The following DNAH17 variants were observed in gnomAD, a reference collection of about 807,000 sequenced individuals.
DNAH17 encodes dynein axonemal heavy chain 17.
Under a neutral mutation model 485.6 loss-of-function variants are expected in DNAH17, and 376 were observed. The observed-to-expected ratio is 0.77, with a 90% CI of 0.71 to 0.84. The LOEUF is 0.84. Ranked by LOEUF, DNAH17 falls within the 40% of genes least tolerant of loss-of-function variation. The pLI, the probability that DNAH17 is intolerant of heterozygous loss-of-function variation, is 0.00. For missense variants in DNAH17, 6,370 were observed against 5,839.3 expected, an observed-to-expected ratio of 1.09 and a Z score of -2.96; for synonymous variants, 3,031 against 2,405.9, an observed-to-expected ratio of 1.26 and a Z score of -7.60.
At chr17:78,462,714 G>T in intron 57 of DNAH17, 130 bp downstream of exon 57, 2 of 815,142 alleles carry the variant, frequency 2.5e-6, no homozygotes, top group East Asian at 2.7e-5. Flanking sequence ...AAGGCAGGAA[G>T]CGTGCTCATC....
intron 17 of DNAH17, among the ~76,000 whole-genome samples, chr17:78,543,393 C>T (rs978404182): frequency 6.6e-6 from 1 of 152,072 alleles, no homozygotes; most frequent in African/African-American, 2.4e-5. Context: ...CGGGTTCACG[C>T]CATTCTCCTG....
chr17:78,562,110 T>C (rs1183390915), intron 11 of DNAH17, 130 bp from the exon 12 acceptor site: 2 of 1,138,178 alleles, frequency 1.8e-6, no homozygotes, highest in African/African-American at 1.6e-5. Context: ...AACAAAACAA[T>C]CCACTGGAAC....
At chr17:78,437,911 C>G in intron 73 of DNAH17, 43 bp from the exon 74 acceptor site, 1 of 1,490,590 alleles carries the variant, frequency 6.7e-7, no homozygotes, top group Non-Finnish European at 9.2e-7. Context: ...TTGCCCAGCT[C>G]CTGGCCCACG....
chr17:78,469,929 G>C (rs147963626), intron 54 of DNAH17, among the ~76,000 whole-genome samples: 1 of 152,088 alleles, frequency 6.6e-6, no homozygotes, highest in Admixed American at 6.6e-5. Context: ...GGGGGAATGG[G>C]GAGTTGTTTA....
In DNAH17 at chr17:78,577,392, C is replaced by CACATAA. The variant is rs2092447378; in HGVS notation, c.-124_-123insTTATGT. ...CCTTCCCTCGAGGGGCTCCAACTGC[C>CACATAA]ACATAACTTCTGGGAGTCTCCTCAC... On this transcript the variant is annotated 5_prime_UTR_variant, in exon 1 of 81. The change creates a new upstream start codon in the 5' untranslated region. Coordinates refer to ENST00000389840, the MANE Select transcript of DNAH17 (RefSeq NM_173628.4). 6.6e-6 allele frequency: 1 copy of CACATAA among 152,244 alleles called. No homozygotes were observed. Among genetic ancestry groups the CACATAA allele is most frequent in the Non-Finnish European group, 1.5e-5 (1 of 68,062 alleles). 9.4% of individuals were successfully genotyped at this position (152,244 alleles called of 1,614,324 possible).
At chr17:78,435,422 C>T (rs964537614) in intron 74 of DNAH17, among the ~76,000 whole-genome samples, 5 of 152,128 alleles carry the variant, frequency 3.3e-5, no homozygotes, top group African/African-American at 1.2e-4. Context: ...CAACTGGTCC[C>T]TGAACTTGTG....
At chr17:78,470,773 C>A (rs1284750860) in intron 54 of DNAH17, among the ~76,000 whole-genome samples, 3 of 152,146 alleles carry the variant, frequency 2.0e-5, no homozygotes, top group Non-Finnish European at 2.9e-5. Context: ...AGAAAAAAAT[C>A]TTAAATGGAG....
chr17:78,440,804 A>G (rs754593114), intron 72 of DNAH17, among the ~76,000 whole-genome samples: 27 of 152,174 alleles, frequency 1.8e-4, no homozygotes, highest in Non-Finnish European at 3.2e-4. Flanking sequence ...TTACTGAGAA[A>G]CCACCAGACT....
At chr17:78,511,154 T>C (rs2090626639) in intron 26 of DNAH17, among the ~76,000 whole-genome samples, 1 of 152,250 alleles carries the variant, frequency 6.6e-6, no homozygotes, top group Admixed American at 6.5e-5. Context: ...TCTCGCTTTG[T>C]CACCTGGGCT....
chr17:78,427,041 G>A lies in DNAH17; in HGVS notation c.12656C>T (p.Ala4219Val). ...PETFNMAEIM[A>V]KAAEKTPYVV... ...GTAGGGGGTCTTTTCCGCTGCCTTT[G>A]CCATGATCTCAGCCATGTTGAAAGT... Residue 4219 changes from alanine to valine, a missense_variant, in exon 78 of 81, where the codon GCA becomes GTA. By Grantham distance (64) the Ala-to-Val change is moderately conservative. Coordinates refer to ENST00000389840, the MANE Select transcript of DNAH17 (RefSeq NM_173628.4). 7 of 1,603,246 alleles carry A rather than the reference G, an allele frequency of 4.4e-6. No individual in the cohort carries two copies. Among genetic ancestry groups the A allele is most frequent in the African/African-American group, 1.3e-5 (1 of 74,816 alleles).
chr17:78,451,014 A>G (rs1219044989), intron 66 of DNAH17, among the ~76,000 whole-genome samples, 168 bp from the exon 67 acceptor site: 1 of 152,140 alleles, frequency 6.6e-6, no homozygotes, highest in Non-Finnish European at 1.5e-5. Context: ...AACCTCAGAG[A>G]GGCCCTGGCC....
At chr17:78,443,305 G>A (rs1389392487) in intron 71 of DNAH17, among the ~76,000 whole-genome samples, 2 of 152,124 alleles carry the variant, frequency 1.3e-5, no homozygotes, top group South Asian at 2.1e-4. Context: ...TGCGATGGCC[G>A]AGGGACCTTT....
rs34437723 is a variant in DNAH17, at chr17:78,503,344, A to ATTTT, written c.4957-337_4957-334dup. On this transcript the variant is annotated intron_variant, in intron 31 of 80. Transcript: ENST00000389840. ...ACAGGCGCCCGCCCCCACTCCCGGC[A>ATTTT]TTTTTTTTTTTTTTGTATTTTTACT... Among the ~76,000 whole-genome samples, 161 of 129,384 alleles carry ATTTT rather than the reference A, an allele frequency of 1.2e-3. 4 individuals are homozygous for ATTTT. Among genetic ancestry groups the ATTTT allele is most frequent in the Middle Eastern group, 0.012 (3 of 252 alleles). 84.9% of individuals were successfully genotyped at this position (129,384 alleles called of 152,430 possible).
chr17:78,435,285 A>G (rs1355662350), intron 74 of DNAH17, among the ~76,000 whole-genome samples: 1 of 152,122 alleles, frequency 6.6e-6, no homozygotes, highest in Non-Finnish European at 1.5e-5. Context: ...TCCAGAGTCC[A>G]TCCGATCCGG....
At position 78,475,284 on chromosome 17, in the gene DNAH17, G is replaced by A. The variant is rs61746438; in HGVS notation, c.8505C>T (p.Asp2835=). 0.12 allele frequency: 198,874 copies of A among 1,613,812 alleles called. 13,092 individuals are homozygous for A. Among genetic ancestry groups the A allele is most frequent in the South Asian group, 0.19 (16,898 of 91,072 alleles). The part of the protein sequence containing the change: ...ITLKKGYGIP[D]LKIDLAAQYI... ...TTGAACAGTAAGCTCTCACCTTGAG[G>A]TCGGGGATCCCGTAGCCCTTCTTGA... is the stretch of plus-strand genomic sequence containing the variant. The change falls in exon 54 of 81, where the codon GAC becomes GAT. Residue 2835 remains aspartate (D), a synonymous_variant. Coordinates refer to ENST00000389840, the MANE Select transcript of DNAH17 (RefSeq NM_173628.4).
intron 79 of DNAH17, among the ~76,000 whole-genome samples, chr17:78,426,209 C>T (rs182272125): frequency 2.0e-5 from 3 of 152,098 alleles, no homozygotes; most frequent in Admixed American, 6.5e-5. Context: ...CTTTGAGGGT[C>T]GCTTGAGGAG....
chr17:78,546,541 T>C (rs1894146455), intron 16 of DNAH17, among the ~76,000 whole-genome samples: 2 of 152,240 alleles, frequency 1.3e-5, no homozygotes, highest in Non-Finnish European at 2.9e-5. Context: ...ATAGGAGAAA[T>C]CCTGTTTCTA....
chr17:78,511,983 C>T (rs549450687), intron 26 of DNAH17, among the ~76,000 whole-genome samples: 5 of 152,352 alleles, frequency 3.3e-5, no homozygotes, highest in African/African-American at 1.2e-4. Context: ...CCCCTGTGCC[C>T]TCAGGGTGGC....
At chr17:78,573,597 CAAAAA>C (rs112944174) in intron 2 of DNAH17, among the ~76,000 whole-genome samples, 8 of 119,542 alleles carry the variant, frequency 6.7e-5, no homozygotes, top group African/African-American at 2.4e-4. Context: ...AAAATACTGT[CAAAAA>C]AAAAAAAAAA....
Sources: gnomAD v4.1 joint callset for allele counts (sites outside exome capture counted in the v4.1 genomes callset) on GRCh38, gnomAD v4.1.1 for gene constraint, MANE v1.5 for transcripts, NCBI Gene and HGNC (gene_info 2026-07-23, HGNC 2026-07-21) for gene names.